COL4A1: variants seen among roughly 807,000 people sequenced by gnomAD.
COL4A1 encodes collagen alpha-1(IV) chain.
A neutral mutation model predicts 216.6 loss-of-function variants in COL4A1; 40 were observed. The ratio of observed to expected loss-of-function variants is 0.18; its 90% CI spans 0.14 to 0.24. The LOEUF (loss-of-function observed/expected upper bound fraction) is 0.24. Ranked by LOEUF, COL4A1 falls within the 10% of genes least tolerant of loss-of-function variation. The pLI is 1.00. For synonymous variants in COL4A1, 839 were observed against 810.7 expected, an observed-to-expected ratio of 1.03 and a Z score of -0.59; for missense variants, 1,628 against 2,196.8, an observed-to-expected ratio of 0.74 and a Z score of 5.18.
intron 2 of COL4A1, among the ~76,000 whole-genome samples, chr13:110,230,850 G>T (rs4506763): frequency 6.6e-6 from 1 of 152,072 alleles, no homozygotes; most frequent in Non-Finnish European, 1.5e-5. Flanking sequence ...CCAGCCGCCC[G>T]GAACCTCTGC....
At chr13:110,298,277 T>C (rs1227440441) in intron 1 of COL4A1, among the ~76,000 whole-genome samples, 1 of 152,212 alleles carries the variant, frequency 6.6e-6, no homozygotes, top group Non-Finnish European at 1.5e-5. Context: ...CTTTAACAAT[T>C]GATAAAAAGC....
intron 48 of COL4A1, 84 bp from the exon 49 acceptor site, chr13:110,161,453 C>A (rs1877084075): frequency 1.4e-6 from 2 of 1,396,588 alleles, no homozygotes; most frequent in South Asian, 1.2e-5. Context: ...AGCTGGACAA[C>A]AAGCAAAAAC....
At position 110,266,420 on chromosome 13, in the gene COL4A1, G is replaced by A. The variant is rs115203968; in HGVS notation, c.85-23686C>T. ...AAGCAAGAGAAGGCTGCCAACCCCC[G>A]GTCCTCCAGCCCTGGAGTCACGCTA... On this transcript the variant is annotated intron_variant, in intron 1 of 51. Coordinates refer to ENST00000375820, the MANE Select transcript of COL4A1 (RefSeq NM_001845.6). Among the ~76,000 whole-genome samples, 193 of 152,308 alleles carry A rather than the reference G, an allele frequency of 1.3e-3. 1 individual carries two copies. Among genetic ancestry groups the A allele is most frequent in the African/African-American group, 4.3e-3 (179 of 41,576 alleles).
At position 110,176,841 on chromosome 13, in the gene COL4A1, C is replaced by T. The variant is rs186010948; in HGVS notation, c.2869+44G>A. 2.4e-5 allele frequency: 39 copies of T among 1,614,112 alleles called. No homozygotes were observed. In the Admixed American group the frequency reaches 6.3e-4, roughly 26 times the overall value. ...AGGACCCGATAACCCAGGAAAGGCA[C>T]ATTGTGGTTCCGAGCTTGGCCATGA... On this transcript the variant is annotated intron_variant, in intron 34 of 51. Transcript: ENST00000375820.
At chr13:110,230,173 A>T (rs1168656647) in intron 2 of COL4A1, among the ~76,000 whole-genome samples, 4 of 151,672 alleles carry the variant, frequency 2.6e-5, no homozygotes, top group African/African-American at 7.3e-5. Flanking sequence ...TGTGTGTGTG[A>T]GTGTGTGCCC....
intron 49 of COL4A1, among the ~76,000 whole-genome samples, chr13:110,157,274 C>T (rs983158140): frequency 6.6e-6 from 1 of 152,216 alleles, no homozygotes; most frequent in Non-Finnish European, 1.5e-5. Flanking sequence ...GTATTTATTT[C>T]GTGAGTCTTG....
intron 1 of COL4A1, among the ~76,000 whole-genome samples, chr13:110,251,295 G>C (rs1324308795): frequency 6.6e-6 from 1 of 152,174 alleles, no homozygotes; most frequent in Non-Finnish European, 1.5e-5. Context: ...TTCAACATCT[G>C]ACTCCCAAGC....
chr13:110,186,278 T>C (rs2139173020), intron 26 of COL4A1, 107 bp downstream of exon 26: 1 of 1,385,962 alleles, frequency 7.2e-7, no homozygotes, highest in East Asian at 2.3e-5. Context: ...CAAAGCCAAG[T>C]GTGCGCCCTG....
intron 2 of COL4A1, among the ~76,000 whole-genome samples, chr13:110,234,606 G>A (rs955539026): frequency 5.3e-5 from 8 of 152,016 alleles, no homozygotes; most frequent in African/African-American, 1.9e-4. Flanking sequence ...AAAAAACAGG[G>A]GGGCGTTCAA....
At chr13:110,238,516 A>G (rs1881422971) in intron 2 of COL4A1, among the ~76,000 whole-genome samples, 1 of 152,246 alleles carries the variant, frequency 6.6e-6, no homozygotes, top group African/African-American at 2.4e-5. Context: ...GTCCTGCTGA[A>G]TTGGGGAAGC....
intron 23 of COL4A1, 97 bp from the exon 24 acceptor site, chr13:110,192,381 G>A (rs1878674320): frequency 3.6e-6 from 4 of 1,102,016 alleles, no homozygotes; most frequent in Non-Finnish European, 5.5e-6. Context: ...AATCTGTATA[G>A]GAAGTGGATG....
At chr13:110,258,509 C>T (rs532682179) in intron 1 of COL4A1, among the ~76,000 whole-genome samples, 61 of 151,862 alleles carry the variant, frequency 4.0e-4, no homozygotes, top group Non-Finnish European at 6.9e-4. Context: ...CACTGCACAC[C>T]AGCCTGGGTG....
chr13:110,178,830 T>A (rs1290804606), intron 31 of COL4A1, 93 bp downstream of exon 31: 5 of 928,102 alleles, frequency 5.4e-6, no homozygotes, highest in Non-Finnish European at 8.6e-6. Flanking sequence ...TACATTGTGC[T>A]AAGCTTCACT....
At position 110,165,006 on chromosome 13, in the gene COL4A1, A is replaced by C. The variant is rs1185413141; in HGVS notation, c.4022-16T>G. 6.2e-7 allele frequency: 1 copy of C among 1,600,910 alleles called. No individual in the cohort carries two copies. Among genetic ancestry groups the C allele is most frequent in the Non-Finnish European group, 8.5e-7 (1 of 1,174,506 alleles). Reference sequence around the variant, plus strand: ...CCCGGGAGACCTGTGGGAATAGGGAAGGCATTGATCAATTTCACTGTCCAC... The same window carrying C: ...CCCGGGAGACCTGTGGGAATAGGGACGGCATTGATCAATTTCACTGTCCAC... On this transcript the variant is annotated splice_polypyrimidine_tract_variant and intron_variant, in intron 45 of 51. Transcript: ENST00000375820.
chr13:110,206,590 T>A, intron 15 of COL4A1, 75 bp downstream of exon 15: 1 of 1,511,820 alleles, frequency 6.6e-7, no homozygotes, highest in Non-Finnish European at 9.2e-7. Context: ...TCTGTTCTTG[T>A]GTTTCTGTGA....
In COL4A1 at chr13:110,205,545, A is replaced by G; in HGVS notation, c.859-7T>C. Reference sequence around the variant, plus strand: ...CATCTTTTCCGGGTTTGCCCTGTAGAATAAAGATGTAAACGTTAGTATTTA... The same window carrying G: ...CATCTTTTCCGGGTTTGCCCTGTAGGATAAAGATGTAAACGTTAGTATTTA... On this transcript the variant is annotated splice_polypyrimidine_tract_variant and splice_region_variant and intron_variant, in intron 15 of 51. Coordinates refer to ENST00000375820, the MANE Select transcript of COL4A1 (RefSeq NM_001845.6). The G allele has an allele frequency of 1.9e-6, 3 of 1,612,172 alleles. No individual in the cohort carries two copies. The highest frequency in any genetic ancestry group is 2.5e-6 in the Non-Finnish European group (3 of 1,179,650).
chr13:110,165,866 C>T (rs1877314875), intron 45 of COL4A1, among the ~76,000 whole-genome samples: 1 of 152,154 alleles, frequency 6.6e-6, no homozygotes, highest in Non-Finnish European at 1.5e-5. Flanking sequence ...AGCAGGAATG[C>T]ACTCCGTCTC....
chr13:110,237,003 G>A (rs540270858), intron 2 of COL4A1, among the ~76,000 whole-genome samples: 8 of 151,986 alleles, frequency 5.3e-5, no homozygotes, highest in Middle Eastern at 3.4e-3. Flanking sequence ...GGAGGCCCAC[G>A]TTGACTCCTG....
chr13:110,201,620 T>A, intron 18 of COL4A1, 98 bp from the exon 19 acceptor site: 3 of 1,080,090 alleles, frequency 2.8e-6, no homozygotes, highest in Non-Finnish European at 4.3e-6. Context: ...TATTTGTTTT[T>A]ATTTCAAGAA....
Sources: gnomAD v4.1 joint callset for allele counts (sites outside exome capture counted in the v4.1 genomes callset) on GRCh38, gnomAD v4.1.1 for gene constraint, MANE v1.5 for transcripts, NCBI Gene and HGNC (gene_info 2026-07-23, HGNC 2026-07-21) for gene names.